The following MARCHF4 variants were observed in gnomAD, a reference collection of about 807,000 sequenced individuals.
MARCHF4 encodes the protein E3 ubiquitin-protein ligase MARCHF4.
A neutral mutation model predicts 43.9 loss-of-function variants in MARCHF4; 14 were observed. That is an observed-to-expected ratio of 0.32 (90% CI 0.21 to 0.50). The LOEUF (loss-of-function observed/expected upper bound fraction) is 0.50. Ranked by LOEUF, MARCHF4 falls within the 20% of genes least tolerant of loss-of-function variation. The probability of loss-of-function intolerance (pLI) is 0.98; values close to 1 mark genes in which losing one functional copy is unlikely to be tolerated. For synonymous variants in MARCHF4, 226 were observed against 213.3 expected, an observed-to-expected ratio of 1.06 and a Z score of -0.52; for missense variants, 468 against 536.7, an observed-to-expected ratio of 0.87 and a Z score of 1.27.
chr2:216,310,442 T>C (rs1691666213), intron 1 of MARCHF4, among the ~76,000 whole-genome samples: 1 of 152,146 alleles, frequency 6.6e-6, no homozygotes, highest in East Asian at 1.9e-4. Context: ...TTCTAAATTA[T>C]TTATATAGAC....
chr2:216,297,295 C>A (rs1252778553), intron 1 of MARCHF4, among the ~76,000 whole-genome samples: 1 of 152,186 alleles, frequency 6.6e-6, no homozygotes, highest in Admixed American at 6.5e-5. Flanking sequence ...ACTGCCTACC[C>A]CCAGTCCTGG....
intron 1 of MARCHF4, among the ~76,000 whole-genome samples, chr2:216,319,538 A>G (rs1691845667): frequency 6.6e-6 from 1 of 152,110 alleles, no homozygotes; most frequent in African/African-American, 2.4e-5. Flanking sequence ...ATATAATCCT[A>G]ATTTCTTTAC....
chr2:216,267,086 A>G (rs1275721755), intron 3 of MARCHF4, among the ~76,000 whole-genome samples: 1 of 152,192 alleles, frequency 6.6e-6, no homozygotes, highest in Non-Finnish European at 1.5e-5. Flanking sequence ...CCAGTTCAGA[A>G]CATTTCTGGA....
chr2:216,284,860 C>A (rs1347924447), intron 1 of MARCHF4, among the ~76,000 whole-genome samples: 1 of 152,176 alleles, frequency 6.6e-6, no homozygotes, highest in Non-Finnish European at 1.5e-5. Context: ...ACCTGGTCTA[C>A]CTGTCAGCTG....
Position 216,370,130 on chromosome 2 carries a change from A to C in MARCHF4, c.131T>G (p.Met44Arg), listed in dbSNP as rs756217547. ...GAAAACCTTCAGGTCATTGAAGAGC[A>C]TGCGGCAGCGGCACTTGAGGAGACC... is the stretch of plus-strand genomic sequence containing the variant. ...HQGLLKCRCR[M>R]LFNDLKVFLL... The change falls in exon 1 of 4, where the codon ATG becomes AGG. Residue 44 changes from methionine (M) to arginine (R), a missense_variant. This residue lies in a region of MARCHF4 where 190 missense variants were observed against 158.5 expected (regional missense o/e 1.20). Transcript: ENST00000273067. 2.1e-5 allele frequency: 34 copies of C among 1,606,554 alleles called. No individual in the cohort carries two copies. Among genetic ancestry groups the C allele is most frequent in the Admixed American group, 1.5e-4 (9 of 58,726 alleles).
intron 3 of MARCHF4, chr2:216,265,909 T>C (rs1294029980): frequency 1.3e-5 from 2 of 152,236 alleles, no homozygotes; most frequent in Admixed American, 6.5e-5. Flanking sequence ...CCTGAGAATA[T>C]GCATTCCTAA....
At chr2:216,320,785 C>T (rs1270404995) in intron 1 of MARCHF4, among the ~76,000 whole-genome samples, 1 of 150,120 alleles carries the variant, frequency 6.7e-6, no homozygotes, top group Non-Finnish European at 1.5e-5. Context: ...ATTCTCCTGC[C>T]TCAGCCTCCT....
At chr2:216,338,785 C>G (rs952546394) in intron 1 of MARCHF4, among the ~76,000 whole-genome samples, 3 of 152,110 alleles carry the variant, frequency 2.0e-5, no homozygotes, top group African/African-American at 7.2e-5. Flanking sequence ...TCTTGAACTC[C>G]AAAGTCTTCA....
At chr2:216,328,365 C>A (rs112612330) in intron 1 of MARCHF4, among the ~76,000 whole-genome samples, 4,421 of 152,260 alleles carry the variant, frequency 0.029, 200 homozygotes, top group African/African-American at 0.099. Flanking sequence ...CGGGGTTTCA[C>A]CATGTTGGCC....
intron 3 of MARCHF4, among the ~76,000 whole-genome samples, chr2:216,270,703 C>A (rs1574459403): frequency 6.6e-6 from 1 of 152,084 alleles, no homozygotes; most frequent in East Asian, 1.9e-4. Flanking sequence ...CAAGGACATA[C>A]CCTTTTGTTG....
chr2:216,363,173 T>G (rs116054690), intron 1 of MARCHF4, among the ~76,000 whole-genome samples: 1 of 152,210 alleles, frequency 6.6e-6, no homozygotes, highest in East Asian at 1.9e-4. Flanking sequence ...CTTCCTGCCC[T>G]GCTAGCCTTA....
intron 1 of MARCHF4, among the ~76,000 whole-genome samples, chr2:216,351,673 GT>G (rs1166680473): frequency 6.6e-6 from 1 of 152,152 alleles, no homozygotes; most frequent in African/African-American, 2.4e-5. Flanking sequence ...TGTCCGTTTT[GT>G]TTATGACGAT....
At chr2:216,321,051 A>T (rs1402829159) in intron 1 of MARCHF4, among the ~76,000 whole-genome samples, 1 of 151,876 alleles carries the variant, frequency 6.6e-6, no homozygotes. Flanking sequence ...ATGATGTTGG[A>T]ATGCCAGAGC....
chr2:216,352,319 G>A (rs1214685438), intron 1 of MARCHF4, among the ~76,000 whole-genome samples: 1 of 152,168 alleles, frequency 6.6e-6, no homozygotes, highest in East Asian at 1.9e-4. Flanking sequence ...GTTAGGCCAG[G>A]GCCTGCACAG....
intron 2 of MARCHF4, among the ~76,000 whole-genome samples, chr2:216,283,041 A>G (rs1197064274): frequency 6.6e-6 from 1 of 152,178 alleles, no homozygotes; most frequent in Non-Finnish European, 1.5e-5. Flanking sequence ...CTGCAGATCA[A>G]TTACATGCAC....
intron 3 of MARCHF4, among the ~76,000 whole-genome samples, chr2:216,261,018 T>G (rs1468836093): frequency 1.3e-5 from 2 of 152,100 alleles, no homozygotes; most frequent in Admixed American, 1.3e-4. Flanking sequence ...GCTCTTGGCC[T>G]CAGCAGCTGC....
chr2:216,261,528 T>C (rs207872), intron 3 of MARCHF4, among the ~76,000 whole-genome samples: 42,549 of 152,148 alleles, frequency 0.28, 7,435 homozygotes, highest in Non-Finnish European at 0.41. Flanking sequence ...TAAGGTAACA[T>C]TGACAGGTTC....
intron 1 of MARCHF4, among the ~76,000 whole-genome samples, chr2:216,358,850 G>A (rs1433951157): frequency 6.6e-6 from 1 of 152,154 alleles, no homozygotes; most frequent in Non-Finnish European, 1.5e-5. Flanking sequence ...CGTCATTCCT[G>A]AGCTAAAACA....
At chr2:216,348,183 A>G (rs1316939759) in intron 1 of MARCHF4, among the ~76,000 whole-genome samples, 1 of 151,856 alleles carries the variant, frequency 6.6e-6, no homozygotes, top group East Asian at 1.9e-4. Context: ...GATTACAAGC[A>G]TGCATCACCA....
Sources: gnomAD v4.1 joint callset for allele counts (sites outside exome capture counted in the v4.1 genomes callset) on GRCh38, gnomAD v4.1.1 for gene constraint, gnomAD v4.1.1 regional missense constraint, MANE v1.5 for transcripts, NCBI Gene and HGNC (gene_info 2026-07-23, HGNC 2026-07-21) for gene names.